Variants in JAKMIP3 observed in about 807,000 individuals in gnomAD.
JAKMIP3 encodes Janus kinase and microtubule interacting protein 3, also known as janus kinase and microtubule-interacting protein 3.
JAKMIP3 carries 58 observed loss-of-function variants against 118.5 expected under a neutral mutation model. That is an observed-to-expected ratio of 0.49 (90% CI 0.40 to 0.61). The LOEUF (loss-of-function observed/expected upper bound fraction) is 0.61, where lower values mean the gene tolerates loss of function less well. Ranked by LOEUF, JAKMIP3 falls within the 20% of genes least tolerant of loss-of-function variation. JAKMIP3 has a pLI of 0.00. For synonymous variants in JAKMIP3, 486 were observed against 451.2 expected (o/e 1.08, Z -0.98); for missense variants, 950 against 1,109.0 (o/e 0.86, Z 2.04).
intron 1 of JAKMIP3, among the ~76,000 whole-genome samples, chr10:132,101,471 G>A (rs932953585): frequency 1.3e-5 from 2 of 152,308 alleles, no homozygotes; most frequent in Middle Eastern, 3.4e-3. Context: ...TAGCAACCAT[G>A]ACCCTTTAAA....
chr10:132,181,631 G>A (rs1276286474), intron 23 of JAKMIP3: 4 of 152,362 alleles, frequency 2.6e-5, no homozygotes, highest in East Asian at 1.9e-4. Flanking sequence ...CGCTTAATAC[G>A]GGAAGAAGTA....
At chr10:132,101,646 CAG>C (rs1223679638) in intron 1 of JAKMIP3, among the ~76,000 whole-genome samples, 1 of 152,202 alleles carries the variant, frequency 6.6e-6, no homozygotes, top group South Asian at 2.1e-4. Context: ...GAGCACTGCA[CAG>C]AGAGTGGTGC....
chr10:132,121,642 C>T (rs10870262), intron 3 of JAKMIP3, among the ~76,000 whole-genome samples: 33,529 of 152,110 alleles, frequency 0.22, 3,815 homozygotes, highest in East Asian at 0.37. Context: ...GGCACATTGC[C>T]GTGGCCCTGG....
chr10:132,065,595 A>T (rs2038661910), upstream of JAKMIP3, among the ~76,000 whole-genome samples: 1 of 152,078 alleles, frequency 6.6e-6, no homozygotes, highest in African/African-American at 2.4e-5. This position sits in a 1 kb window ranked among gnomAD's most constrained non-coding sequence, Gnocchi z 5.6. Flanking sequence ...GCTGGTTTTC[A>T]CGTGAGACTG....
upstream of JAKMIP3, among the ~76,000 whole-genome samples, chr10:132,060,465 G>A (rs530185160): frequency 2.6e-5 from 4 of 152,288 alleles, no homozygotes; most frequent in East Asian, 3.9e-4. Flanking sequence ...GACACTTAGC[G>A]AATTCGGAAT....
intron 1 of JAKMIP3, among the ~76,000 whole-genome samples, chr10:132,104,440 T>A (rs530210786): frequency 6.6e-6 from 1 of 152,354 alleles, no homozygotes; most frequent in Admixed American, 6.5e-5. Flanking sequence ...CATCCCATGC[T>A]GGGCGTGGGG....
At chr10:132,107,575 A>C (rs1029162329) in intron 2 of JAKMIP3, among the ~76,000 whole-genome samples, 33 of 152,216 alleles carry the variant, frequency 2.2e-4, no homozygotes, top group Non-Finnish European at 2.2e-4. Flanking sequence ...CGCCCTCGCC[A>C]GAGGGTTCAT....
chr10:132,143,177 C>T (rs1200730095), intron 11 of JAKMIP3, among the ~76,000 whole-genome samples: 1 of 151,950 alleles, frequency 6.6e-6, no homozygotes, highest in Admixed American at 6.5e-5. Flanking sequence ...GGGGGCGTCC[C>T]CTCCTCAGGC....
chr10:132,052,746 A>G (rs2038135596), intron 1 of JAKMIP3, among the ~76,000 whole-genome samples: 1 of 152,152 alleles, frequency 6.6e-6, no homozygotes, highest in South Asian at 2.1e-4. Flanking sequence ...CAAATTTGGT[A>G]TATCACCTTT....
chr10:132,102,451 G>A (rs944883379), intron 1 of JAKMIP3, among the ~76,000 whole-genome samples: 3 of 152,224 alleles, frequency 2.0e-5, no homozygotes, highest in Non-Finnish European at 2.9e-5. Context: ...CCATCTGCCC[G>A]AGCCTGGTCC....
intron 19 of JAKMIP3, among the ~76,000 whole-genome samples, chr10:132,154,269 A>G (rs1334237643): frequency 6.6e-6 from 1 of 152,230 alleles, no homozygotes; most frequent in South Asian, 2.1e-4. Flanking sequence ...TCACTCAAGC[A>G]CAGAAACATG....
At chr10:132,099,407 C>A (rs1564894750) in intron 1 of JAKMIP3, among the ~76,000 whole-genome samples, 1 of 152,182 alleles carries the variant, frequency 6.6e-6, no homozygotes, top group Admixed American at 6.5e-5. Context: ...TGTTTTATTA[C>A]CTCCTCAGAG....
intron 1 of JAKMIP3, among the ~76,000 whole-genome samples, chr10:132,080,533 TTTTTTTA>T (rs1248253159): frequency 4.8e-5 from 5 of 104,166 alleles, no homozygotes; most frequent in African/African-American, 1.5e-4. Flanking sequence ...TTTTTTTTTT[TTTTTTTA>T]AGATGGAGTC....
At chr10:132,097,037 G>A (rs764549671) in intron 1 of JAKMIP3, among the ~76,000 whole-genome samples, 22 of 152,254 alleles carry the variant, frequency 1.4e-4, no homozygotes, top group Non-Finnish European at 2.8e-4. Flanking sequence ...ACGCCACGGC[G>A]AGGTGCTAGG....
chr10:132,051,006 T>C (rs912301624), intron 1 of JAKMIP3, among the ~76,000 whole-genome samples: 2 of 150,860 alleles, frequency 1.3e-5, no homozygotes, highest in African/African-American at 4.9e-5. Flanking sequence ...GGTGGGTGGG[T>C]ACCTGCCTGT....
Position 132,180,778 on chromosome 10 carries a change from T to TGTGC in JAKMIP3, c.*1104-1576_*1104-1575insCGTG, listed in dbSNP as rs1565022540. On this transcript the variant is annotated intron_variant, in intron 23 of 23. Coordinates refer to ENST00000684848, the MANE Select transcript of JAKMIP3 (RefSeq NM_001323087.2). ...GTGTGTGCGTGTGTGTGCGTGTGTG[T>TGTGC]GTGTGCGCGTATGCATGTGCTGTGA... Among the ~76,000 whole-genome samples the TGTGC allele has an allele frequency of 2.9e-3, 136 of 46,398 alleles. 46 individuals carry two copies. Among genetic ancestry groups the TGTGC allele is most frequent in the Middle Eastern group, 9.4e-3 (1 of 106 alleles). 30.4% of individuals were successfully genotyped at this position (46,398 alleles called of 152,430 possible).
chr10:132,117,580 TGGGC>T lies in JAKMIP3; in HGVS notation c.633+7_633+10del, dbSNP rs2047879094. ...AGCGGGAGATCCGCAGGCTGGTACG[TGGGC>T]AGGCAGGGGCGGGCGTGGGCGAGGG... is the stretch of plus-strand genomic sequence containing the variant. On this transcript the variant is annotated splice_region_variant and intron_variant, in intron 3 of 23. Coordinates refer to ENST00000684848, the MANE Select transcript of JAKMIP3 (RefSeq NM_001323087.2). The surrounding 1 kb of genome is among the most constrained non-coding windows in gnomAD (Gnocchi z 8.6). 2 of 1,429,804 alleles carry T rather than the reference TGGGC, an allele frequency of 1.4e-6. No homozygotes were observed. The highest frequency in any genetic ancestry group is 1.9e-6 in the Non-Finnish European group (2 of 1,078,466). 88.6% of individuals were successfully genotyped at this position (1,429,804 alleles called of 1,614,324 possible). A position where few individuals can be genotyped will look rare whatever the true frequency, so the allele number is the denominator to read the frequency against.
chr10:132,163,078 T>C (rs2058524525), intron 19 of JAKMIP3, 131 bp from the exon 20 acceptor site: 1 of 856,682 alleles, frequency 1.2e-6, no homozygotes, highest in East Asian at 2.7e-5. Context: ...GCCACAGCAC[T>C]GGGTCCCTCC....
intron 9 of JAKMIP3, 109 bp from the exon 10 acceptor site, chr10:132,140,342 C>T (rs1332110717): frequency 3.5e-5 from 51 of 1,463,424 alleles, no homozygotes; most frequent in Middle Eastern, 2.0e-4. Context: ...GGGAGTGTGT[C>T]GCAGGGTGGG....
Sources: gnomAD v4.1 joint callset for allele counts (sites outside exome capture counted in the v4.1 genomes callset) on GRCh38, gnomAD v4.1.1 for gene constraint, Gnocchi (gnomAD v3.1) non-coding constraint, MANE v1.5 for transcripts, NCBI Gene and HGNC (gene_info 2026-07-23, HGNC 2026-07-21) for gene names.